The following MEGF10 variants were observed in gnomAD, a reference collection of about 807,000 sequenced individuals.
The protein encoded by MEGF10 is multiple epidermal growth factor-like domains protein 10.
In MEGF10, 86 loss-of-function variants were observed where a neutral mutation model predicts 147.5. The observed-to-expected ratio is 0.58, with a 90% CI of 0.49 to 0.70. The LOEUF (loss-of-function observed/expected upper bound fraction) is 0.70, where lower values mean the gene tolerates loss of function less well. Among genes scored for constraint, MEGF10 ranks in the 30% least tolerant of loss-of-function variants. The pLI, the probability that MEGF10 is intolerant of heterozygous loss-of-function variation, is 0.00. For missense variants in MEGF10, 1,329 were observed against 1,487.3 expected (o/e 0.89, Z 1.75); for synonymous variants, 478 against 525.5 (o/e 0.91, Z 1.24).
chr5:127,438,328 G>T, intron 16 of MEGF10, 111 bp from the exon 17 acceptor site: 1 of 1,251,168 alleles, frequency 8.0e-7, no homozygotes. Flanking sequence ...TAGTCCTGAT[G>T]TACACTGCTA....
intron 12 of MEGF10, among the ~76,000 whole-genome samples, chr5:127,421,691 C>T (rs980930775): frequency 6.6e-6 from 1 of 151,976 alleles, no homozygotes; most frequent in Non-Finnish European, 1.5e-5. Flanking sequence ...TTTTGTGTGG[C>T]TTAGACTTCT....
chr5:127,455,942 C>T (rs1207811364), intron 24 of MEGF10, among the ~76,000 whole-genome samples: 2 of 151,884 alleles, frequency 1.3e-5, no homozygotes. Context: ...GGTTTTGTCA[C>T]CATATTTTAT....
At chr5:127,431,634 G>A (rs961157649) in intron 13 of MEGF10, among the ~76,000 whole-genome samples, 1 of 152,180 alleles carries the variant, frequency 6.6e-6, no homozygotes, top group South Asian at 2.1e-4. Context: ...TGGGTTGATT[G>A]TCTAAGTCTC....
chr5:127,276,216 T>C, the MEGF10 span, among the ~76,000 whole-genome samples: 1 of 152,304 alleles, frequency 6.6e-6, no homozygotes, highest in Non-Finnish European at 1.5e-5. Context: ...GTACAAGAAA[T>C]GTAAGGAAAG....
intron 8 of MEGF10, among the ~76,000 whole-genome samples, chr5:127,403,798 A>C (rs193097576): frequency 7.4e-4 from 112 of 152,158 alleles, no homozygotes; most frequent in Non-Finnish European, 1.1e-3. Flanking sequence ...GCTGAATAGT[A>C]CTCCATTGTG....
chr5:127,431,800 C>G (rs981526302), intron 13 of MEGF10, among the ~76,000 whole-genome samples: 1 of 152,148 alleles, frequency 6.6e-6, no homozygotes, highest in Non-Finnish European at 1.5e-5. Flanking sequence ...TTTAGGTTTG[C>G]AGCCTCATTT....
chr5:127,310,322 T>C (rs1561562508), intron 1 of MEGF10, among the ~76,000 whole-genome samples: 1 of 152,070 alleles, frequency 6.6e-6, no homozygotes, highest in African/African-American at 2.4e-5. Flanking sequence ...TATTGATCCT[T>C]TATCATGTAT....
At chr5:127,313,444 T>C (rs1760383797) in intron 1 of MEGF10, among the ~76,000 whole-genome samples, 1 of 152,202 alleles carries the variant, frequency 6.6e-6, no homozygotes, top group South Asian at 2.1e-4. Flanking sequence ...TAATTTCAAT[T>C]CTTGTGTTAA....
intron 1 of MEGF10, among the ~76,000 whole-genome samples, chr5:127,309,685 A>C (rs1279292359): frequency 1.3e-5 from 2 of 152,164 alleles, no homozygotes; most frequent in African/African-American, 4.8e-5. Flanking sequence ...TTATCCATTC[A>C]TTCATTAATG....
upstream of MEGF10, among the ~76,000 whole-genome samples, chr5:127,290,515 A>G (rs923308962): frequency 6.6e-6 from 1 of 151,776 alleles, no homozygotes; most frequent in Non-Finnish European, 1.5e-5. Context: ...CCCTTCGGTC[A>G]CCCCCTGCGG....
intron 1 of MEGF10, among the ~76,000 whole-genome samples, chr5:127,306,487 C>A (rs999477875): frequency 6.6e-6 from 1 of 152,170 alleles, no homozygotes; most frequent in Non-Finnish European, 1.5e-5. Context: ...CCAGGTAGAG[C>A]AAAACCCATT....
chr5:127,430,324 A>C (rs1389108346), intron 13 of MEGF10, among the ~76,000 whole-genome samples: 4 of 152,220 alleles, frequency 2.6e-5, no homozygotes, highest in African/African-American at 9.6e-5. Context: ...GCTGGCAAAA[A>C]ATAAGAGGAG....
At chr5:127,408,499 T>C (rs972802359) in intron 8 of MEGF10, among the ~76,000 whole-genome samples, 2 of 152,210 alleles carry the variant, frequency 1.3e-5, no homozygotes, top group Admixed American at 6.5e-5. Context: ...ACTTAGCTTA[T>C]TGAAGCTTCT....
chr5:127,412,420 C>T (rs1340808158), intron 9 of MEGF10, among the ~76,000 whole-genome samples: 1 of 152,154 alleles, frequency 6.6e-6, no homozygotes, highest in East Asian at 1.9e-4. Context: ...CCCTTCAAAC[C>T]AAAAGGCATA....
intron 4 of MEGF10, 152 bp from the exon 5 acceptor site, chr5:127,369,758 C>G: frequency 1.8e-6 from 1 of 551,818 alleles, no homozygotes; most frequent in Non-Finnish European, 3.2e-6. Context: ...CTACAGCAGA[C>G]TGTAAGAGGG....
At chr5:127,317,150 T>G (rs1298088114) in intron 1 of MEGF10, among the ~76,000 whole-genome samples, 1 of 152,218 alleles carries the variant, frequency 6.6e-6, no homozygotes. Flanking sequence ...TCTCAAAAGC[T>G]TTTAAGAAGG....
At chr5:127,410,185 A>G (rs1256497010) in intron 8 of MEGF10, among the ~76,000 whole-genome samples, 2 of 152,130 alleles carry the variant, frequency 1.3e-5, no homozygotes, top group Non-Finnish European at 2.9e-5. Context: ...TTTGTTTTCT[A>G]CAGGTCATGC....
intron 12 of MEGF10, among the ~76,000 whole-genome samples, chr5:127,422,172 A>G (rs1413583318): frequency 6.6e-6 from 1 of 152,140 alleles, no homozygotes; most frequent in Non-Finnish European, 1.5e-5. Context: ...TAAAACACTG[A>G]CTTCCTGGAG....
chr5:127,238,837 G>T, the MEGF10 span, among the ~76,000 whole-genome samples: 1,384 of 152,278 alleles, frequency 9.1e-3, 30 homozygotes, highest in African/African-American at 0.032. Flanking sequence ...GGCTCATGAG[G>T]AAATAGAAAT....
Sources: allele counts gnomAD v4.1 joint callset (sites outside exome capture counted in the v4.1 genomes callset), GRCh38; gene constraint gnomAD v4.1.1; transcripts MANE v1.5; gene names NCBI Gene and HGNC (gene_info 2026-07-23, HGNC 2026-07-21).